Variants in ZC3H11A observed in about 807,000 individuals in gnomAD.
The protein encoded by ZC3H11A is zinc finger CCCH-type containing 11A.
A neutral mutation model predicts 90.8 loss-of-function variants in ZC3H11A; 22 were observed. The ratio of observed to expected loss-of-function variants is 0.24; its 90% CI spans 0.17 to 0.35. ZC3H11A has a LOEUF of 0.35. ZC3H11A is among the 10% of genes least tolerant of loss of function. The pLI is 1.00. For missense variants in ZC3H11A, 701 were observed against 964.9 expected (o/e 0.73, Z 3.62); for synonymous variants, 294 against 339.8 (o/e 0.87, Z 1.48).
At chr1:203,805,077 A>T (rs139566363) in intron 2 of ZC3H11A, among the ~76,000 whole-genome samples, 2,870 of 151,878 alleles carry the variant, frequency 0.019, 78 homozygotes, top group African/African-American at 0.065. Flanking sequence ...AATATTCATT[A>T]TTGATTTCAA....
intron 2 of ZC3H11A, among the ~76,000 whole-genome samples, chr1:203,810,521 A>G (rs1227037517): frequency 6.7e-6 from 1 of 150,046 alleles, no homozygotes; most frequent in Non-Finnish European, 1.5e-5. Flanking sequence ...TGGGGTTCAC[A>G]CCATTCTCCT....
rs1572382447 is a variant in ZC3H11A, at chr1:203,850,756, A to G, written c.2106+75A>G. The G allele has an allele frequency of 2.6e-6, 4 of 1,544,812 alleles. No homozygotes were observed. In the East Asian group the frequency reaches 7.2e-5, roughly 28 times the overall value. On this transcript the variant is annotated intron_variant, in intron 16 of 17. Transcript: ENST00000367210. ...CAGGAAAGACTAACTCTCCACTAGC[A>G]TTCTATCTTGAGTATATCACTTCCT...
chr1:203,834,109 A>C, intron 10 of ZC3H11A: 1 of 1,149,364 alleles, frequency 8.7e-7, no homozygotes. Flanking sequence ...AATGGTAAAG[A>C]ACACCTCTAT....
chr1:203,833,364 CAAAA>C (rs34277550), intron 9 of ZC3H11A, among the ~76,000 whole-genome samples: 1 of 71,144 alleles, frequency 1.4e-5, no homozygotes, highest in Non-Finnish European at 2.7e-5. Context: ...GACTCTGTCT[CAAAA>C]AAAAAAAAAA....
At chr1:203,837,898 T>C in intron 10 of ZC3H11A, 68 bp from the exon 11 acceptor site, 1 of 1,456,076 alleles carries the variant, frequency 6.9e-7, no homozygotes, top group East Asian at 2.3e-5. Flanking sequence ...TTGTCTGTTT[T>C]TGTTTGTATT....
intron 1 of ZC3H11A, 195 bp from the exon 2 acceptor site, chr1:203,801,380 C>T (rs894171443): frequency 6.6e-6 from 1 of 152,006 alleles, no homozygotes; most frequent in Non-Finnish European, 1.5e-5. Flanking sequence ...ACTAAGCAGT[C>T]GGTATTTTTA....
chr1:203,837,839 G>T, intron 10 of ZC3H11A, 127 bp from the exon 11 acceptor site: 1 of 848,300 alleles, frequency 1.2e-6, no homozygotes, highest in South Asian at 1.9e-5. Flanking sequence ...GGAAGCTGGT[G>T]AACAAACACG....
chr1:203,810,872 T>C lies in ZC3H11A; in HGVS notation c.-145-6054T>C, dbSNP rs373814868. On this transcript the variant is annotated intron_variant, in intron 2 of 17. Transcript: ENST00000367210. ...TAGTTGTGGGCCAGACGCTCACGCCTGTAATCCCAGCACTTTGAGAGGTTG... is the reference window on the plus strand; with the variant it reads ...TAGTTGTGGGCCAGACGCTCACGCCCGTAATCCCAGCACTTTGAGAGGTTG... Among the ~76,000 whole-genome samples, 333 of 151,920 alleles carry C rather than the reference T, an allele frequency of 2.2e-3. 2 individuals carry two copies. Among genetic ancestry groups the C allele is most frequent in the African/African-American group, 7.8e-3 (323 of 41,420 alleles).
In ZC3H11A at chr1:203,799,331, G is replaced by A. The variant is rs563731315; in HGVS notation, c.-1587-2244G>A. On this transcript the variant is annotated intron_variant, in intron 1 of 17. Transcript: ENST00000367210. ...TTTTCTGCGAGCACAAAAGCATTGAGAATATGTTAGTGGCTGCCAGGAAAA... is the reference window on the plus strand; with the variant it reads ...TTTTCTGCGAGCACAAAAGCATTGAAAATATGTTAGTGGCTGCCAGGAAAA... The A allele has an allele frequency of 2.4e-5, 17 of 707,060 alleles. No individual in the cohort carries two copies. In the African/African-American group the frequency reaches 3.0e-4, roughly 12 times the overall value. The allele number at this position is 707,060 out of a possible 1,614,324, so 43.8% of individuals were successfully genotyped here.
rs754613186 is a variant in ZC3H11A at position 203,847,444 on chromosome 1, A to G, written c.1303A>G (p.Lys435Glu). ...AAAGGATACAACTTGCATCAAGCTAAAGATTGATAGTGAAATTAAAAAAAC... is the reference window on the plus strand; with the variant it reads ...AAAGGATACAACTTGCATCAAGCTAGAGATTGATAGTGAAATTAAAAAAAC... ...SKKDTTCIKL[K>E]IDSEIKKTVV... The change falls in exon 13 of 18, where the codon AAG becomes GAG. Residue 435 changes from lysine to glutamate, a missense_variant. Lys to Glu is a moderately conservative substitution (Grantham distance 56). This residue lies in a region of ZC3H11A where 530 missense variants were observed against 696.2 expected (regional missense o/e 0.76). Coordinates refer to ENST00000367210, the MANE Select transcript of ZC3H11A (RefSeq NM_001376342.1). 1 of 1,614,008 alleles carries G rather than the reference A, an allele frequency of 6.2e-7. No homozygotes were observed. Among genetic ancestry groups the G allele is most frequent in the Non-Finnish European group, 8.5e-7 (1 of 1,179,882 alleles).
At chr1:203,841,892 C>T (rs1177267502) in intron 12 of ZC3H11A, among the ~76,000 whole-genome samples, 13 of 147,850 alleles carry the variant, frequency 8.8e-5, no homozygotes, top group Non-Finnish European at 1.8e-4. Flanking sequence ...ACGGGGCGGC[C>T]GGGCAGAGAC....
At chr1:203,847,046 T>G (rs1281507687) in intron 12 of ZC3H11A, 138 bp from the exon 13 acceptor site, 2 of 921,224 alleles carry the variant, frequency 2.2e-6, no homozygotes, top group Non-Finnish European at 3.3e-6. Flanking sequence ...GAAATAAATG[T>G]TACCCTTTTG....
At chr1:203,848,470 T>G in intron 14 of ZC3H11A, 63 bp downstream of exon 14, 2 of 1,270,356 alleles carry the variant, frequency 1.6e-6, no homozygotes, top group Non-Finnish European at 2.2e-6. Flanking sequence ...ATTGGTAGTT[T>G]TACCTTACAA....
At chr1:203,833,622 T>A (rs993226209) in intron 9 of ZC3H11A, among the ~76,000 whole-genome samples, 169 bp from the exon 10 acceptor site, 1 of 148,224 alleles carries the variant, frequency 6.7e-6, no homozygotes, top group Non-Finnish European at 1.5e-5. Flanking sequence ...GTTTGGGTTT[T>A]TTTTTTTTTT....
chr1:203,834,206 C>A, intron 10 of ZC3H11A: 1 of 446,474 alleles, frequency 2.2e-6, no homozygotes, highest in Non-Finnish European at 3.0e-6. Flanking sequence ...TACAGGAATC[C>A]CTAAGAAGAA....
chr1:203,836,730 C>T (rs2103137692), intron 10 of ZC3H11A, among the ~76,000 whole-genome samples: 1 of 152,178 alleles, frequency 6.6e-6, no homozygotes. Flanking sequence ...GAGCTGAGAT[C>T]TTCCCACTGC....
chr1:203,808,576 G>A (rs1244333488), intron 2 of ZC3H11A, among the ~76,000 whole-genome samples: 1 of 152,056 alleles, frequency 6.6e-6, no homozygotes, highest in Non-Finnish European at 1.5e-5. Context: ...TAGAAATTGA[G>A]TTTTCTGGAA....
intron 10 of ZC3H11A, among the ~76,000 whole-genome samples, chr1:203,837,684 C>T (rs1485270866): frequency 6.6e-6 from 1 of 152,038 alleles, no homozygotes; most frequent in Non-Finnish European, 1.5e-5. Flanking sequence ...TGCTGTGTTG[C>T]CCAGGCTGGT....
At chr1:203,848,659 G>A (rs921660914) in intron 14 of ZC3H11A, among the ~76,000 whole-genome samples, 1 of 152,156 alleles carries the variant, frequency 6.6e-6, no homozygotes, top group Non-Finnish European at 1.5e-5. Flanking sequence ...AGGCTGAGGC[G>A]GGCGGATCAC....
Sources: gnomAD v4.1 joint callset for allele counts (sites outside exome capture counted in the v4.1 genomes callset) on GRCh38, gnomAD v4.1.1 for gene constraint, gnomAD v4.1.1 regional missense constraint, MANE v1.5 for transcripts, NCBI Gene and HGNC (gene_info 2026-07-23, HGNC 2026-07-21) for gene names.